The following TPRA1 variants were observed in gnomAD, a reference collection of about 807,000 sequenced individuals.
TPRA1 encodes transmembrane protein adipocyte associated 1.
Under a neutral mutation model 40.1 loss-of-function variants are expected in TPRA1, and 28 were observed. The ratio of observed to expected loss-of-function variants is 0.70; its 90% CI spans 0.52 to 0.96. The LOEUF (loss-of-function observed/expected upper bound fraction) is 0.96, where lower values mean the gene tolerates loss of function less well. TPRA1 is among the 40% of genes least tolerant of loss of function. The pLI, the probability that TPRA1 is intolerant of heterozygous loss-of-function variation, is 0.00. For missense variants in TPRA1, 441 were observed against 482.6 expected (o/e 0.91, Z 0.81); for synonymous variants, 219 against 209.7 (o/e 1.04, Z -0.38).
At position 127,572,731 on chromosome 3, in the gene TPRA1, G is replaced by C. The variant is rs773194442; in HGVS notation, c.*790C>G. The stretch of plus-strand genomic sequence containing the variant: ...TCTCCGCATTTTACAGATGGCAATA[G>C]TAAGTCCATTCTGCGTTTTAATGGA... On this transcript the variant is annotated 3_prime_UTR_variant, in exon 11 of 11. Transcript: ENST00000355552. 8.5e-5 allele frequency among the ~76,000 whole-genome samples: 13 copies of C among 152,212 alleles called. No individual in the cohort carries two copies. Among genetic ancestry groups the C allele is most frequent in the Non-Finnish European group, 1.6e-4 (11 of 68,036 alleles).
chr3:127,584,086 A>G (rs1262845160), intron 1 of TPRA1, among the ~76,000 whole-genome samples: 1 of 151,850 alleles, frequency 6.6e-6, no homozygotes, highest in Non-Finnish European at 1.5e-5. Context: ...CCTCACAGCA[A>G]GGTGAAGCCA....
chr3:127,592,270 A>T (rs2074186155), upstream of TPRA1, among the ~76,000 whole-genome samples: 1 of 151,722 alleles, frequency 6.6e-6, no homozygotes, highest in Non-Finnish European at 1.5e-5. Context: ...GACATGTGTG[A>T]CCAGGCCTAA....
rs1412801527 is a variant in TPRA1, at chr3:127,572,412, A to G, written c.*1109T>C. Among the ~76,000 whole-genome samples the G allele has an allele frequency of 2.6e-5, 4 of 152,210 alleles. No individual in the cohort carries two copies. The highest frequency in any genetic ancestry group is 4.8e-5 in the African/African-American group (2 of 41,462). ...CTCCCTTTCACTCTGGCTGCCAAAA[A>G]GCTCAAAGCCGAACTCAGGTACAAG... is the stretch of plus-strand genomic sequence containing the variant. On this transcript the variant is annotated 3_prime_UTR_variant, in exon 11 of 11. Coordinates refer to ENST00000355552, the MANE Select transcript of TPRA1 (RefSeq NM_001136053.4).
upstream of TPRA1, among the ~76,000 whole-genome samples, chr3:127,592,607 G>C (rs1466147959): frequency 1.3e-5 from 2 of 151,308 alleles, no homozygotes; most frequent in Non-Finnish European, 2.9e-5. Context: ...GGATGGTCTC[G>C]ATCTCCTGAC....
chr3:127,574,940 G>A (rs1346169501), intron 10 of TPRA1: 1 of 564,362 alleles, frequency 1.8e-6, no homozygotes, highest in South Asian at 2.0e-5. Flanking sequence ...GCATGTGCAT[G>A]TGTGCATGCT....
At chr3:127,582,378 C>G (rs990065910) in intron 1 of TPRA1, among the ~76,000 whole-genome samples, 4 of 152,054 alleles carry the variant, frequency 2.6e-5, no homozygotes, top group Non-Finnish European at 4.4e-5. Flanking sequence ...CCAGCCTGGG[C>G]AACATAGCAA....
chr3:127,578,439 G>T (rs1296702213), intron 3 of TPRA1, among the ~76,000 whole-genome samples: 1 of 152,204 alleles, frequency 6.6e-6, no homozygotes, highest in African/African-American at 2.4e-5. Context: ...TCTTAACACT[G>T]CCTCCTGAAC....
chr3:127,577,991 G>A (rs1163253024), intron 3 of TPRA1, among the ~76,000 whole-genome samples: 1 of 152,240 alleles, frequency 6.6e-6, no homozygotes, highest in African/African-American at 2.4e-5. Context: ...TGGCGAGAGA[G>A]CAGGGCCATC....
intron 1 of TPRA1, chr3:127,595,809 C>T (rs1040674165): frequency 1.3e-5 from 2 of 152,284 alleles, no homozygotes; most frequent in East Asian, 1.9e-4. Context: ...TTGTAAGCTG[C>T]TCTGTAGAGA....
chr3:127,575,095 A>G, intron 10 of TPRA1, 90 bp downstream of exon 10: 1 of 1,423,008 alleles, frequency 7.0e-7, no homozygotes, highest in Non-Finnish European at 9.8e-7. Context: ...ATGCATACAC[A>G]GCCTCTCAGC....
chr3:127,588,312 CCTG>C (rs1233107072), intron 1 of TPRA1, among the ~76,000 whole-genome samples: 2 of 152,216 alleles, frequency 1.3e-5, no homozygotes, highest in Non-Finnish European at 2.9e-5. Context: ...AGGTGGTGCC[CCTG>C]CTGCTGCTAC....
upstream of TPRA1, among the ~76,000 whole-genome samples, chr3:127,593,924 C>T (rs2074217046): frequency 1.3e-5 from 2 of 152,196 alleles, no homozygotes; most frequent in Admixed American, 6.5e-5. Flanking sequence ...TTGCCCCAGG[C>T]CAATGATACC....
rs746827009 is a variant in TPRA1, at chr3:127,575,528, C to T, written c.671-23G>A. The T allele has an allele frequency of 9.2e-6, 14 of 1,526,738 alleles. No homozygotes were observed. The South Asian group carries it at 1.5e-4, about 16-fold the overall frequency. The allele number at this position is 1,526,738 out of a possible 1,614,324, so 94.6% of individuals were successfully genotyped here. ...GAGCTGGGGGCCGGACAGGGTGGGT[C>T]GTGAGGTCCCACCCTGGACAGGCCA... is the stretch of plus-strand genomic sequence containing the variant. On this transcript the variant is annotated intron_variant, in intron 8 of 10. Coordinates refer to ENST00000355552, the MANE Select transcript of TPRA1 (RefSeq NM_001136053.4).
At chr3:127,577,996 G>T (rs576322970) in intron 3 of TPRA1, among the ~76,000 whole-genome samples, 1 of 152,326 alleles carries the variant, frequency 6.6e-6, no homozygotes, top group East Asian at 1.9e-4. Context: ...AGAGAGCAGG[G>T]CCATCGGGGA....
upstream of TPRA1, among the ~76,000 whole-genome samples, chr3:127,593,741 G>A (rs1248331118): frequency 6.6e-6 from 1 of 152,188 alleles, no homozygotes; most frequent in African/African-American, 2.4e-5. Context: ...ATGGACTATT[G>A]CAGATTCAGC....
intron 1 of TPRA1, among the ~76,000 whole-genome samples, chr3:127,596,973 G>A (rs751969048): frequency 5.9e-5 from 9 of 152,170 alleles, no homozygotes; most frequent in East Asian, 1.9e-4. Flanking sequence ...AAAATTAACC[G>A]GGCACAATGG....
At position 127,572,673 on chromosome 3, in the gene TPRA1, C is replaced by T. The variant is rs973924232; in HGVS notation, c.*848G>A. ...CCAGCCACTCGTGCTTAGTGTTTTC[C>T]AATCCTTACAAAAGGCCCTGCAGGA... On this transcript the variant is annotated 3_prime_UTR_variant, in exon 11 of 11. Coordinates refer to ENST00000355552, the MANE Select transcript of TPRA1 (RefSeq NM_001136053.4). Among the ~76,000 whole-genome samples, 5 of 152,206 alleles carry T rather than the reference C, an allele frequency of 3.3e-5. No homozygotes were observed. Among genetic ancestry groups the T allele is most frequent in the Non-Finnish European group, 5.9e-5 (4 of 68,034 alleles).
At chr3:127,585,008 C>T (rs951671627) in intron 1 of TPRA1, among the ~76,000 whole-genome samples, 1 of 152,020 alleles carries the variant, frequency 6.6e-6, no homozygotes, top group Non-Finnish European at 1.5e-5. Context: ...AAGAAGGTGT[C>T]TGGGTCCCCA....
At chr3:127,584,785 G>C (rs1439564665) in intron 1 of TPRA1, among the ~76,000 whole-genome samples, 1 of 152,142 alleles carries the variant, frequency 6.6e-6, no homozygotes, top group Non-Finnish European at 1.5e-5. Context: ...CTCTAAAACA[G>C]AGGCCCAACA....
Sources: gnomAD v4.1 joint callset for allele counts (sites outside exome capture counted in the v4.1 genomes callset) on GRCh38, gnomAD v4.1.1 for gene constraint, MANE v1.5 for transcripts, NCBI Gene and HGNC (gene_info 2026-07-23, HGNC 2026-07-21) for gene names.